WDR36: variants seen among roughly 807,000 people sequenced by gnomAD.
WDR36 encodes the protein WD repeat-containing protein 36.
A neutral mutation model predicts 112.7 loss-of-function variants in WDR36; 63 were observed. The ratio of observed to expected loss-of-function variants is 0.56; its 90% CI spans 0.46 to 0.69. The LOEUF is 0.69. WDR36 is among the 30% of genes least tolerant of loss of function. The pLI, the probability that WDR36 is intolerant of heterozygous loss-of-function variation, is 0.00. For synonymous variants in WDR36, 410 were observed against 362.2 expected (o/e 1.13, Z -1.50); for missense variants, 1,226 against 1,070.3 (o/e 1.15, Z -2.03).
chr5:111,099,475 T>TTG (rs1753073689), intron 4 of WDR36, among the ~76,000 whole-genome samples: 2 of 136,300 alleles, frequency 1.5e-5, no homozygotes, highest in African/African-American at 2.7e-5. Flanking sequence ...TTTTTTTTTT[T>TTG]TTTTTTTTTC....
chr5:111,124,061 G>T, intron 20 of WDR36, 47 bp from the exon 21 acceptor site: 1 of 1,602,554 alleles, frequency 6.2e-7, no homozygotes, highest in South Asian at 1.1e-5. Context: ...TACATTTTTG[G>T]GTGATACTTG....
chr5:111,113,034 T>A (rs1561706926), intron 15 of WDR36, 40 bp from the exon 16 acceptor site: 14 of 293,196 alleles, frequency 4.8e-5, no homozygotes, highest in Non-Finnish European at 6.7e-5. Flanking sequence ...TATATATAAA[T>A]AATATATATA....
chr5:111,102,795 A>G (rs920209044), intron 6 of WDR36, among the ~76,000 whole-genome samples: 9 of 151,690 alleles, frequency 5.9e-5, no homozygotes, highest in Non-Finnish European at 1.3e-4. Flanking sequence ...ATTGGAGCCA[A>G]AATCCTAATG....
intron 16 of WDR36, among the ~76,000 whole-genome samples, chr5:111,117,737 C>T (rs1259294939): frequency 1.3e-5 from 2 of 152,088 alleles, no homozygotes; most frequent in Non-Finnish European, 2.9e-5. Context: ...TAATCTTGTT[C>T]TTGAAATAAT....
rs1359068968 is a variant in WDR36, at chr5:111,092,635, G to A, written c.162+17G>A. 2 of 1,608,144 alleles carry A rather than the reference G, an allele frequency of 1.2e-6. No homozygotes were observed. Among genetic ancestry groups the A allele is most frequent in the Non-Finnish European group, 1.7e-6 (2 of 1,179,064 alleles). On this transcript the variant is annotated intron_variant, in intron 1 of 22. Coordinates refer to ENST00000513710, the MANE Select transcript of WDR36 (RefSeq NM_139281.3). ...ACCTATGACGTGAGTGACTTCTTTT[G>A]TTAGCTTCCCAGGAAAACCACCCTC... is the stretch of plus-strand genomic sequence containing the variant.
chr5:111,096,723 A>G (rs977797293), intron 2 of WDR36, among the ~76,000 whole-genome samples: 1 of 152,090 alleles, frequency 6.6e-6, no homozygotes, highest in African/African-American at 2.4e-5. Context: ...AGAAAAAAAA[A>G]AAGATGTTCA....
At chr5:111,098,452 A>T (rs1048736285) in intron 3 of WDR36, among the ~76,000 whole-genome samples, 6 of 152,192 alleles carry the variant, frequency 3.9e-5, no homozygotes, top group African/African-American at 7.2e-5. Context: ...CCTCCTCTCT[A>T]ACCCAAGATG....
chr5:111,110,375 T>G (rs1753302132), intron 13 of WDR36, 72 bp downstream of exon 13: 2 of 1,288,360 alleles, frequency 1.6e-6, no homozygotes, highest in African/African-American at 1.5e-5. Flanking sequence ...CTGGTATGTA[T>G]AATCTTTAAG....
chr5:111,100,535 A>G (rs568398251), intron 4 of WDR36, 54 bp from the exon 5 acceptor site: 72 of 1,246,884 alleles, frequency 5.8e-5, no homozygotes, highest in Non-Finnish European at 7.7e-5. Flanking sequence ...ATATGGTTAC[A>G]TAAAACATTT....
intron 19 of WDR36, 23 bp from the exon 20 acceptor site, chr5:111,123,782 C>G: frequency 6.2e-7 from 1 of 1,612,028 alleles, no homozygotes; most frequent in Non-Finnish European, 8.5e-7. Context: ...TCCTATTTTT[C>G]TTTCTCATTT....
At position 111,110,758 on chromosome 5, in the gene WDR36, T is replaced by G. The variant is rs745657683; in HGVS notation, c.1442-30T>G. ...AGAGAGAAACACTGCCAATTCTGAT[T>G]TTTTTTTTCTTTTGACATCTACCTT... On this transcript the variant is annotated intron_variant, in intron 13 of 22. Coordinates refer to ENST00000513710, the MANE Select transcript of WDR36 (RefSeq NM_139281.3). The G allele has an allele frequency of 5.0e-6, 8 of 1,597,760 alleles. No homozygotes were observed. The African/African-American group carries it at 9.6e-5, about 19-fold the overall frequency.
In WDR36 at chr5:111,122,980, G is replaced by C. The variant is rs115580882; in HGVS notation, c.2149-825G>C. Among the ~76,000 whole-genome samples the C allele has an allele frequency of 3.8e-3, 571 of 152,148 alleles. 6 individuals are homozygous for C. Among genetic ancestry groups the C allele is most frequent in the African/African-American group, 0.013 (532 of 41,490 alleles). On this transcript the variant is annotated intron_variant, in intron 19 of 22. Transcript: ENST00000513710. ...CAAAAATGAGCCAGGCATGTTGTAC[G>C]TGCCTGTAATCCCGGCTGCTCAGGA...
chr5:111,129,898 C>G lies in WDR36; in HGVS notation c.*3015C>G, dbSNP rs1753755301. The G allele has an allele frequency of 4.8e-6, 1 of 210,174 alleles. No individual in the cohort carries two copies. 13.0% of individuals were successfully genotyped at this position (210,174 alleles called of 1,614,324 possible). A position where few individuals can be genotyped will look rare whatever the true frequency, so the allele number is the denominator to read the frequency against. On this transcript the variant is annotated 3_prime_UTR_variant, in exon 23 of 23. Coordinates refer to ENST00000513710, the MANE Select transcript of WDR36 (RefSeq NM_139281.3). ...GATTTTTCTGAAGAGTGAAACAGCGCTGCTTCCAATATCTGTTCAAAATTC... is the reference window on the plus strand; with the variant it reads ...GATTTTTCTGAAGAGTGAAACAGCGGTGCTTCCAATATCTGTTCAAAATTC...
chr5:111,110,741 A>G (rs758070709), intron 13 of WDR36, 47 bp from the exon 14 acceptor site: 2 of 1,582,472 alleles, frequency 1.3e-6, no homozygotes. Flanking sequence ...TCAGAGAGAA[A>G]CACTGCCAAT....
At chr5:111,111,798 A>G (rs1344250142) in intron 15 of WDR36, among the ~76,000 whole-genome samples, 1 of 151,892 alleles carries the variant, frequency 6.6e-6, no homozygotes, top group Non-Finnish European at 1.5e-5. Flanking sequence ...GAAAGAAGTA[A>G]ACTAGTTTAA....
intron 12 of WDR36, among the ~76,000 whole-genome samples, chr5:111,109,412 A>T (rs550314644): frequency 6.6e-6 from 1 of 151,442 alleles, no homozygotes; most frequent in Admixed American, 6.6e-5. Flanking sequence ...TGTCGTGACA[A>T]AGTGGTATGT....
At chr5:111,100,102 G>T (rs1753091903) in intron 4 of WDR36, among the ~76,000 whole-genome samples, 1 of 151,578 alleles carries the variant, frequency 6.6e-6, no homozygotes, top group Non-Finnish European at 1.5e-5. Flanking sequence ...GTGGAAATGT[G>T]TGAGAAGTAC....
intron 15 of WDR36, 39 bp from the exon 16 acceptor site, chr5:111,113,035 A>AATATAT (rs376288151): frequency 0.013 from 4,462 of 351,612 alleles, 45 homozygotes; most frequent in Middle Eastern, 0.025. Context: ...ATATATAAAT[A>AATATAT]ATATATATAT....
In WDR36 at chr5:111,097,099, A is replaced by G; in HGVS notation, c.211A>G (p.Ile71Val). The change falls in exon 3 of 23, where the codon ATC becomes GTC. Residue 71 changes from isoleucine to valine, a missense_variant. Ile to Val is a conservative substitution (Grantham distance 29, BLOSUM62 3). Coordinates refer to ENST00000513710, the MANE Select transcript of WDR36 (RefSeq NM_139281.3). ...VAVSNSVPQDICCMAADGRLV... is the reference protein window; with the variant it reads ...VAVSNSVPQDVCCMAADGRLV... ...GCTAGGTAATTCTGTTCCACAGGATATCTGCTGTATGGCAGCTGATGGCAG... is the reference window on the plus strand; with the variant it reads ...GCTAGGTAATTCTGTTCCACAGGATGTCTGCTGTATGGCAGCTGATGGCAG... The G allele has an allele frequency of 6.2e-7, 1 of 1,613,558 alleles. No homozygotes were observed. The highest frequency in any genetic ancestry group is 8.5e-7 in the Non-Finnish European group (1 of 1,179,612).
Sources: allele counts gnomAD v4.1 joint callset (sites outside exome capture counted in the v4.1 genomes callset), GRCh38; gene constraint gnomAD v4.1.1; transcripts MANE v1.5; gene names NCBI Gene and HGNC (gene_info 2026-07-23, HGNC 2026-07-21).